COL17A1: variants seen among roughly 807,000 people sequenced by gnomAD.
COL17A1 encodes collagen alpha-1(XVII) chain.
In COL17A1, 181 loss-of-function variants were observed where a neutral mutation model predicts 218.4. That is an observed-to-expected ratio of 0.83 (90% CI 0.73 to 0.94). COL17A1 has a LOEUF of 0.94. Ranked by LOEUF, COL17A1 falls within the 40% of genes least tolerant of loss-of-function variation. COL17A1 has a pLI of 0.00. For synonymous variants in COL17A1, 721 were observed against 731.0 expected (o/e 0.99, Z 0.22); for missense variants, 1,924 against 1,945.9 (o/e 0.99, Z 0.21).
At chr10:104,034,843 G>A (rs559954220) in intron 50 of COL17A1, 76 bp from the exon 51 acceptor site, 129 of 1,558,332 alleles carry the variant, frequency 8.3e-5, no homozygotes, top group East Asian at 3.7e-4. Context: ...TGCTCGGGGC[G>A]CTGTGGGCCC....
rs866200422 is a variant in COL17A1, at chr10:104,042,659, C to T, written c.2516-204G>A. Among the ~76,000 whole-genome samples, 14 of 152,306 alleles carry T rather than the reference C, an allele frequency of 9.2e-5. No homozygotes were observed. In the Middle Eastern group the frequency reaches 0.01, roughly 111 times the overall value. On this transcript the variant is annotated intron_variant, in intron 35 of 55. Coordinates refer to ENST00000648076, the MANE Select transcript of COL17A1 (RefSeq NM_000494.4). ...ACAGGCACCGGGACCCCGGGGCAGGCGGGACTGCCCCCTCTGCTGCTGTCC... is the reference window on the plus strand; with the variant it reads ...ACAGGCACCGGGACCCCGGGGCAGGTGGGACTGCCCCCTCTGCTGCTGTCC...
chr10:104,060,115 G>A lies in COL17A1; in HGVS notation c.1141+4C>T, dbSNP rs368372089. 38 of 1,613,966 alleles carry A rather than the reference G, an allele frequency of 2.4e-5. No homozygotes were observed. The African/African-American group carries it at 3.3e-4, about 14-fold the overall frequency. ...AAACCCAAGCCACACAGGATCTGAC[G>A]CACTTGCAGCGATGCTGGCAGGGGA... is the stretch of plus-strand genomic sequence containing the variant. On this transcript the variant is annotated splice_donor_region_variant and intron_variant, in intron 14 of 55. Transcript: ENST00000648076.
In COL17A1 at chr10:104,045,777, A is replaced by G. The variant is rs766223110; in HGVS notation, c.2379T>C (p.Pro793=). Residue 793 remains proline, a synonymous_variant, in exon 33 of 56, where the codon CCT becomes CCC. Coordinates refer to ENST00000648076, the MANE Select transcript of COL17A1 (RefSeq NM_000494.4). ...PQGPQGLPGT[P]GRPGIKGEPG... is the part of the protein sequence containing the mutation. The stretch of plus-strand genomic sequence containing the variant: ...ACTTACCTTTTATTCCTGGTCGGCC[A>G]GGGGTACCGGGAAGTCCTGATGTGA... The G allele has an allele frequency of 7.4e-6, 12 of 1,612,880 alleles. No homozygotes were observed. In the Admixed American group the frequency reaches 2.0e-4, roughly 27 times the overall value.
At chr10:104,058,353 A>G (rs1398018147) in intron 15 of COL17A1, among the ~76,000 whole-genome samples, 163 bp from the exon 16 acceptor site, 2 of 152,266 alleles carry the variant, frequency 1.3e-5, no homozygotes, top group African/African-American at 4.8e-5. Context: ...GATATTTGCG[A>G]TAATTACATC....
Position 104,036,495 on chromosome 10 carries a change from A to G in COL17A1, c.3415T>C (p.Ser1139Pro), listed in dbSNP as rs2086300349. The G allele has an allele frequency of 6.2e-7, 1 of 1,613,828 alleles. No homozygotes were observed. Among genetic ancestry groups the G allele is most frequent in the Non-Finnish European group, 8.5e-7 (1 of 1,179,894 alleles). Residue 1139 changes from serine to proline, a missense_variant, in exon 48 of 56, where the codon TCG becomes CCG. Coordinates refer to ENST00000648076, the MANE Select transcript of COL17A1 (RefSeq NM_000494.4). The stretch of plus-strand genomic sequence containing the variant: ...CACCCCTCCTGCAGACACTTACTCG[A>G]CATGTAGCTGAGAATGCGACTACTC... ...ELSSRILSYM[S>P]SSGISIGLPG...
intron 37 of COL17A1, 51 bp from the exon 38 acceptor site, chr10:104,041,395 C>T (rs2086358180): frequency 2.5e-6 from 4 of 1,601,396 alleles, no homozygotes; most frequent in Non-Finnish European, 3.4e-6. Context: ...GAGCTGATGC[C>T]ACCCCTGAGG....
intron 9 of COL17A1, among the ~76,000 whole-genome samples, chr10:104,066,815 T>A (rs557869239): frequency 6.6e-6 from 1 of 152,250 alleles, no homozygotes; most frequent in East Asian, 1.9e-4. Context: ...AGAATTTCCC[T>A]ATTCCTTCTA....
chr10:104,071,011 T>G (rs2086665250), intron 8 of COL17A1, among the ~76,000 whole-genome samples: 1 of 152,222 alleles, frequency 6.6e-6, no homozygotes, highest in South Asian at 2.1e-4. Context: ...AAAAGGAATC[T>G]GTGGGCCATA....
At chr10:104,084,917 A>G (rs1472171578) in intron 1 of COL17A1, among the ~76,000 whole-genome samples, 1 of 152,210 alleles carries the variant, frequency 6.6e-6, no homozygotes, top group African/African-American at 2.4e-5. Context: ...TTCTCAAAAG[A>G]AGGAATGTGC....
intron 3 of COL17A1, 89 bp from the exon 4 acceptor site, chr10:104,077,615 T>C: frequency 9.6e-7 from 1 of 1,045,242 alleles, no homozygotes; most frequent in East Asian, 2.6e-5. Flanking sequence ...GCTTCCCTGG[T>C]TTTTCACCAG....
intron 6 of COL17A1, 26 bp from the exon 7 acceptor site, chr10:104,073,271 A>G: frequency 6.2e-7 from 1 of 1,610,864 alleles, no homozygotes; most frequent in Non-Finnish European, 8.5e-7. Context: ...ATGCATTTTT[A>G]GGCATATATA....
At chr10:104,082,464 G>A (rs2086773361) in intron 1 of COL17A1, among the ~76,000 whole-genome samples, 1 of 152,190 alleles carries the variant, frequency 6.6e-6, no homozygotes, top group South Asian at 2.1e-4. Context: ...GGAGGCATTT[G>A]GGGAGATTAA....
intron 48 of COL17A1, 30 bp from the exon 49 acceptor site, chr10:104,035,593 G>A (rs533456406): frequency 6.4e-7 from 1 of 1,572,136 alleles, no homozygotes; most frequent in Non-Finnish European, 8.7e-7. Flanking sequence ...AGATCAGGCA[G>A]GGGGAGGCAG....
chr10:104,060,352 A>G, intron 13 of COL17A1, 72 bp from the exon 14 acceptor site: 1 of 1,592,478 alleles, frequency 6.3e-7, no homozygotes, highest in Non-Finnish European at 8.5e-7. Context: ...AAAGACAAGA[A>G]GAGGAAGGAG....
chr10:104,074,998 G>C (rs927410323), intron 5 of COL17A1, among the ~76,000 whole-genome samples: 2 of 152,162 alleles, frequency 1.3e-5, no homozygotes, highest in Non-Finnish European at 2.9e-5. Flanking sequence ...TCTTGACCCT[G>C]AGCACTCTCT....
rs568456432 is a variant in COL17A1, at chr10:104,077,166, G to T, written c.202+256C>A. Among the ~76,000 whole-genome samples, 7 of 152,292 alleles carry T rather than the reference G, an allele frequency of 4.6e-5. No individual in the cohort carries two copies. In the East Asian group the frequency reaches 1.3e-3, roughly 29 times the overall value. ...TTTATATTGTGGACTTAATGAAAAT[G>T]GATCTGATTTTAAGTAGGCTTCAAA... On this transcript the variant is annotated intron_variant, in intron 4 of 55. Transcript: ENST00000648076.
At position 104,058,196 on chromosome 10, in the gene COL17A1, A is replaced by G. The variant is rs2086549750; in HGVS notation, c.1223-6T>C. The stretch of plus-strand genomic sequence containing the variant: ...GGACACAGTCTTCAGGTCTCCTGAA[A>G]GGACAAACAGATTGACCTGAGCTTT... On this transcript the variant is annotated splice_polypyrimidine_tract_variant and splice_region_variant and intron_variant, in intron 15 of 55. Transcript: ENST00000648076. The G allele has an allele frequency of 6.2e-7, 1 of 1,614,084 alleles. No individual in the cohort carries two copies. Among genetic ancestry groups the G allele is most frequent in the Non-Finnish European group, 8.5e-7 (1 of 1,180,026 alleles).
intron 50 of COL17A1, among the ~76,000 whole-genome samples, 157 bp downstream of exon 50, chr10:104,035,106 A>T (rs1047322381): frequency 6.6e-6 from 1 of 152,168 alleles, no homozygotes; most frequent in African/African-American, 2.4e-5. Context: ...GCCACGGCTG[A>T]AGGCCCCTTG....
chr10:104,056,828 C>T, intron 17 of COL17A1, 147 bp downstream of exon 17: 1 of 1,484,308 alleles, frequency 6.7e-7, no homozygotes, highest in Non-Finnish European at 9.0e-7. Context: ...GTTTACTCAT[C>T]TGCGGTAACA....
Sources: allele counts gnomAD v4.1 joint callset (sites outside exome capture counted in the v4.1 genomes callset), GRCh38; gene constraint gnomAD v4.1.1; transcripts MANE v1.5; gene names NCBI Gene and HGNC (gene_info 2026-07-23, HGNC 2026-07-21).